The following NAV3 variants were observed in gnomAD, a reference collection of about 807,000 sequenced individuals.
NAV3 encodes neuron navigator 3.
A neutral mutation model predicts 244.7 loss-of-function variants in NAV3; 87 were observed. That is an observed-to-expected ratio of 0.36 (90% CI 0.30 to 0.42). The LOEUF (loss-of-function observed/expected upper bound fraction) is 0.42, where lower values mean the gene tolerates loss of function less well. Among genes scored for constraint, NAV3 ranks in the 20% least tolerant of loss-of-function variants. The pLI, the probability that NAV3 is intolerant of heterozygous loss-of-function variation, is 1.00. For missense variants in NAV3, 2,663 were observed against 2,893.3 expected (o/e 0.92, Z 1.83); for synonymous variants, 1,126 against 1,042.2 (o/e 1.08, Z -1.55).
chr12:78,190,332 C>CT (rs138370446), intron 34 of NAV3, 113 bp downstream of exon 34: 74,617 of 802,206 alleles, frequency 0.093, 4,125 homozygotes, highest in Non-Finnish European at 0.11. Context: ...GAATATCCAT[C>CT]TTTTTTTTAC....
chr12:78,104,936 G>GA lies in NAV3; in HGVS notation c.2637-11830dup, dbSNP rs539789621. ...ATGGCTCAATCTTTTTAATTGTTAA[G>GA]AAAAAATGTATGCTGGGATAAATAT... On this transcript the variant is annotated intron_variant, in intron 12 of 39. Coordinates refer to ENST00000397909, the MANE Select transcript of NAV3 (RefSeq NM_001024383.2). Among the ~76,000 whole-genome samples the GA allele has an allele frequency of 9.2e-5, 14 of 152,152 alleles. No homozygotes were observed. In the East Asian group the frequency reaches 1.2e-3, roughly 13 times the overall value.
At chr12:77,720,227 T>C (rs1307254587) in intron 2 of NAV3, among the ~76,000 whole-genome samples, 20 of 152,194 alleles carry the variant, frequency 1.3e-4, no homozygotes, top group African/African-American at 4.3e-4. Flanking sequence ...GGTTGAGTTA[T>C]GTTTTCCTGT....
intron 1 of NAV3, among the ~76,000 whole-genome samples, chr12:77,856,737 A>G (rs1379918584): frequency 1.3e-5 from 2 of 152,176 alleles, no homozygotes; most frequent in African/African-American, 2.4e-5. Context: ...AATTATCCAC[A>G]TTTCTAAACA....
At chr12:77,674,694 T>C (rs1487934713) in intron 2 of NAV3, among the ~76,000 whole-genome samples, 1 of 152,212 alleles carries the variant, frequency 6.6e-6, no homozygotes, top group Non-Finnish European at 1.5e-5. Flanking sequence ...CAGTCTATAC[T>C]CCAATTTTAA....
intron 9 of NAV3, among the ~76,000 whole-genome samples, chr12:78,048,247 G>A (rs1319417284): frequency 6.6e-6 from 1 of 152,118 alleles, no homozygotes; most frequent in Non-Finnish European, 1.5e-5. Context: ...GTCCAGTTCT[G>A]TTCCCTTGCT....
intron 1 of NAV3, among the ~76,000 whole-genome samples, chr12:77,872,272 A>C (rs753913941): frequency 6.6e-6 from 1 of 152,164 alleles, no homozygotes; most frequent in Non-Finnish European, 1.5e-5. Context: ...CTTCTCTAGC[A>C]TGGGAACAGG....
intron 20 of NAV3, among the ~76,000 whole-genome samples, chr12:78,144,392 TAAA>T (rs538026481): frequency 6.7e-6 from 1 of 149,632 alleles, no homozygotes; most frequent in Non-Finnish European, 1.5e-5. Flanking sequence ...AAACCATTGT[TAAA>T]AAAAAAATGG....
At position 78,098,955 on chromosome 12, in the gene NAV3, GT is replaced by G. The variant is rs11436048; in HGVS notation, c.2637-17803del. On this transcript the variant is annotated intron_variant, in intron 12 of 39. Transcript: ENST00000397909. ...ACCACAATGCCTGAAAGTATCCAGG[GT>G]TTTTTTTTTTTTTATAATATTGGCA... 6.4e-3 allele frequency among the ~76,000 whole-genome samples: 921 copies of G among 143,350 alleles called. 6 individuals are homozygous for G. Among genetic ancestry groups the G allele is most frequent in the East Asian group, 0.018 (90 of 4,958 alleles). 94.0% of individuals were successfully genotyped at this position (143,350 alleles called of 152,430 possible).
At chr12:77,919,888 C>T (rs1479019) in intron 1 of NAV3, among the ~76,000 whole-genome samples, 17,032 of 151,920 alleles carry the variant, frequency 0.11, 1,076 homozygotes, top group South Asian at 0.2. Context: ...CCTTTTGTCA[C>T]TGTGGGAGCT....
intron 2 of NAV3, among the ~76,000 whole-genome samples, chr12:77,641,157 C>T (rs890918739): frequency 6.6e-6 from 1 of 152,020 alleles, no homozygotes. Flanking sequence ...TTTCTCATTT[C>T]CCCTTTTTGA....
intron 1 of NAV3, among the ~76,000 whole-genome samples, chr12:77,855,264 G>A (rs1185705718): frequency 3.3e-5 from 5 of 151,968 alleles, no homozygotes; most frequent in East Asian, 1.9e-4. Flanking sequence ...CCAACTGTTC[G>A]GTATAGCCTA....
intron 3 of NAV3, among the ~76,000 whole-genome samples, chr12:77,955,496 A>ATATC (rs1565955287): frequency 6.6e-6 from 1 of 152,130 alleles, no homozygotes; most frequent in Non-Finnish European, 1.5e-5. Flanking sequence ...TCGAAATAAC[A>ATATC]TATCTTTGTT....
At chr12:78,105,449 A>G (rs12227745) in intron 12 of NAV3, among the ~76,000 whole-genome samples, 17,881 of 152,096 alleles carry the variant, frequency 0.12, 1,162 homozygotes, top group East Asian at 0.26. Flanking sequence ...AGTCACCAGG[A>G]AGGACTCTCT....
chr12:78,161,353 C>T (rs924407682), intron 23 of NAV3, among the ~76,000 whole-genome samples: 1 of 151,990 alleles, frequency 6.6e-6, no homozygotes, highest in Non-Finnish European at 1.5e-5. Flanking sequence ...TGGGCATATA[C>T]CAAGCATATT....
chr12:77,951,749 G>A (rs529122794), intron 3 of NAV3, among the ~76,000 whole-genome samples: 79 of 152,136 alleles, frequency 5.2e-4, no homozygotes, highest in African/African-American at 1.7e-3. Context: ...ATAAAAAAGG[G>A]TGAGTTCATG....
At chr12:77,873,744 G>GTGTATATATATATATATA (rs776225440) in intron 1 of NAV3, among the ~76,000 whole-genome samples, 31 of 73,182 alleles carry the variant, frequency 4.2e-4, no homozygotes, top group Non-Finnish European at 6.7e-4. Flanking sequence ...ATGTGTGTGT[G>GTGTATATATATATATATA]TATATATATA....
intron 2 of NAV3, among the ~76,000 whole-genome samples, chr12:77,629,673 T>C (rs1241068665): frequency 6.6e-6 from 1 of 152,238 alleles, no homozygotes; most frequent in African/African-American, 2.4e-5. Context: ...TAATGTTTTA[T>C]GTAGTAATAT....
chr12:77,682,503 C>T (rs1417589741), intron 2 of NAV3, among the ~76,000 whole-genome samples: 2 of 152,026 alleles, frequency 1.3e-5, no homozygotes, highest in Non-Finnish European at 2.9e-5. Flanking sequence ...ATTTCATTTC[C>T]TTTGGGTATA....
intron 1 of NAV3, among the ~76,000 whole-genome samples, chr12:77,879,679 C>T (rs1264438930): frequency 1.9e-5 from 1 of 53,518 alleles, no homozygotes; most frequent in African/African-American, 8.1e-5. Flanking sequence ...AAGTGAAACT[C>T]CATCTCAAAA....
Sources: gnomAD v4.1 joint callset for allele counts (sites outside exome capture counted in the v4.1 genomes callset) on GRCh38, gnomAD v4.1.1 for gene constraint, MANE v1.5 for transcripts, NCBI Gene and HGNC (gene_info 2026-07-23, HGNC 2026-07-21) for gene names.